CLCN5: variants seen among roughly 807,000 people sequenced by gnomAD.
CLCN5 encodes the protein H(+)/Cl(-) exchange transporter 5.
A neutral mutation model predicts 54.0 loss-of-function variants in CLCN5; 17 were observed. The observed-to-expected ratio is 0.31, with a 90% CI of 0.22 to 0.47. The LOEUF is 0.47. CLCN5 is among the 20% of genes least tolerant of loss of function. CLCN5 has a pLI of 1.00. For synonymous variants in CLCN5, 222 were observed against 233.0 expected (o/e 0.95, Z 0.43); for missense variants, 448 against 646.7 (o/e 0.69, Z 3.33).
chrX:50,014,569 A>T (rs1454821351), intron 3 of CLCN5: 1 of 339,079 alleles, frequency 2.9e-6, no homozygotes, highest in Non-Finnish European at 5.9e-6. Context: ...CTCTGCTTCG[A>T]GCACGGCAGG....
In CLCN5 at chrX:49,939,040, C is replaced by T. The variant is rs1456372684; in HGVS notation, c.16+13726C>T. Among the ~76,000 whole-genome samples, 6 of 109,370 alleles carry T rather than the reference C, an allele frequency of 5.5e-5. No individual in the cohort carries two copies. In the East Asian group the frequency reaches 1.7e-3, roughly 31 times the overall value. The allele number at this position is 109,370 out of a possible 115,157, so 95.0% of individuals were successfully genotyped here. A position where few individuals can be genotyped will look rare whatever the true frequency, so the allele number is the denominator to read the frequency against. ...CAGCCAAGAAACACATGAAAAAATG[C>T]TCATCATCACTGGCCATCAGAGAAA... On this transcript the variant is annotated intron_variant, in intron 3 of 14. Coordinates refer to ENST00000376091, the MANE Select transcript of CLCN5 (RefSeq NM_001127898.4).
At chrX:49,923,196 T>C (rs1244051192) in intron 1 of CLCN5, among the ~76,000 whole-genome samples, 1 of 113,144 alleles carries the variant, frequency 8.8e-6, no homozygotes, top group African/African-American at 3.2e-5. Flanking sequence ...CTCTTCTCCC[T>C]CCGGCTCTGG....
intron 3 of CLCN5, among the ~76,000 whole-genome samples, chrX:49,956,453 T>C (rs886106718): frequency 4.4e-5 from 5 of 112,477 alleles, no homozygotes; most frequent in Non-Finnish European, 7.5e-5. Context: ...CTAATAAATG[T>C]ATAGTACTAA....
In CLCN5 at chrX:50,085,766, C is replaced by A. The variant is rs1313639946; in HGVS notation, c.934-214C>A. ...ATAAAACACATGGCTAAATGAATTACAAAGGAAAGGTCCTCTTACCTGGTC... is the reference window on the plus strand; with the variant it reads ...ATAAAACACATGGCTAAATGAATTAAAAAGGAAAGGTCCTCTTACCTGGTC... On this transcript the variant is annotated intron_variant, in intron 9 of 14. Transcript: ENST00000376091. 25 of 439,029 alleles carry A rather than the reference C, an allele frequency of 5.7e-5. No homozygotes were observed. The East Asian group carries it at 9.3e-4, about 16-fold the overall frequency. The allele number at this position is 439,029 out of a possible 1,213,427, so 36.2% of individuals were successfully genotyped here.
chrX:49,937,037 G>A (rs1295214985), intron 3 of CLCN5, among the ~76,000 whole-genome samples: 1 of 111,520 alleles, frequency 9.0e-6, no homozygotes. Flanking sequence ...AGGCTGCAGT[G>A]ATTGTGCCAC....
chrX:50,063,431 C>G (rs1283558708), intron 4 of CLCN5, among the ~76,000 whole-genome samples: 1 of 108,364 alleles, frequency 9.2e-6, no homozygotes, highest in African/African-American at 3.6e-5. Context: ...CATTCCTCGA[C>G]ACATACACTC....
intron 3 of CLCN5, among the ~76,000 whole-genome samples, chrX:50,018,233 A>G (rs1436689569): frequency 9.0e-6 from 1 of 111,687 alleles, no homozygotes; most frequent in Non-Finnish European, 1.9e-5. Flanking sequence ...AACTAATGTA[A>G]ATAGCATTGT....
At chrX:50,076,470 T>G (rs782037873) in intron 7 of CLCN5, among the ~76,000 whole-genome samples, 1 of 112,198 alleles carries the variant, frequency 8.9e-6, no homozygotes, top group African/African-American at 3.2e-5. Context: ...TTGCCTATCA[T>G]CCCATTTTGT....
At position 50,047,648 on chromosome X, in the gene CLCN5, T is replaced by C. The variant is rs60506227; in HGVS notation, c.163+5186T>C. On this transcript the variant is annotated intron_variant, in intron 4 of 14. Coordinates refer to ENST00000376091, the MANE Select transcript of CLCN5 (RefSeq NM_001127898.4). ...GTCTCATCCAGGATACTATATTACATATTCTTCATGTCTCTAAGGAGCTAA... is the reference window on the plus strand; with the variant it reads ...GTCTCATCCAGGATACTATATTACACATTCTTCATGTCTCTAAGGAGCTAA... Among the ~76,000 whole-genome samples, 525 of 111,817 alleles carry C rather than the reference T, an allele frequency of 4.7e-3. 6 individuals are homozygous for C. The highest frequency in any genetic ancestry group is 0.016 in the African/African-American group (497 of 30,769).
At chrX:49,943,224 TATCC>T in intron 3 of CLCN5, among the ~76,000 whole-genome samples, 1 of 101,798 alleles carries the variant, frequency 9.8e-6, no homozygotes, top group Non-Finnish European at 2.0e-5. Flanking sequence ...TGTCTGTTCA[TATCC>T]TTCGGTCACT....
intron 8 of CLCN5, 34 bp from the exon 9 acceptor site, chrX:50,081,607 G>C: frequency 1.8e-6 from 2 of 1,124,248 alleles, no homozygotes; most frequent in Non-Finnish European, 2.4e-6. Context: ...GACTTCCTTA[G>C]TCTATATTCA....
At chrX:50,018,010 A>G (rs1930875753) in intron 3 of CLCN5, among the ~76,000 whole-genome samples, 3 of 111,682 alleles carry the variant, frequency 2.7e-5, no homozygotes, top group African/African-American at 9.8e-5. Flanking sequence ...TACCCACAAA[A>G]TAACTTGCTG....
intron 3 of CLCN5, among the ~76,000 whole-genome samples, chrX:50,027,264 T>C (rs1931455936): frequency 9.0e-6 from 1 of 111,255 alleles, no homozygotes; most frequent in East Asian, 2.8e-4. Flanking sequence ...TCCGCCCACC[T>C]AGGCCTCCCA....
At chrX:49,929,773 T>G (rs1330310605) in intron 3 of CLCN5, among the ~76,000 whole-genome samples, 1 of 89,123 alleles carries the variant, frequency 1.1e-5, no homozygotes, top group Non-Finnish European at 1.9e-5. Context: ...TAAATATAGG[T>G]TTTTTGTTTT....
intron 3 of CLCN5, among the ~76,000 whole-genome samples, chrX:49,938,468 C>A (rs7391972): frequency 3.3e-4 from 37 of 111,060 alleles, no homozygotes; most frequent in Admixed American, 1.8e-3. Flanking sequence ...AGAACAGAGC[C>A]CTCAGAAATA....
chrX:49,930,433 G>T (rs1328217114), intron 3 of CLCN5, among the ~76,000 whole-genome samples: 1 of 112,181 alleles, frequency 8.9e-6, no homozygotes, highest in Non-Finnish European at 1.9e-5. Context: ...TCTATAATGG[G>T]AAAAATTGAA....
intron 3 of CLCN5, among the ~76,000 whole-genome samples, chrX:50,029,368 G>C (rs1931577715): frequency 2.1e-5 from 2 of 95,102 alleles, no homozygotes; most frequent in Non-Finnish European, 4.0e-5. Flanking sequence ...TGTTCTCTTT[G>C]TTCAATTCCC....
rs896223214 is a variant in CLCN5 at position 49,993,858 on chromosome X, G to A, written c.17-48458G>A. ...CTTGACTTGAGAAGAGATCTGTGGG[G>A]CAGCTGGGAAGCAGGGCAGGGGAGT... is the stretch of plus-strand genomic sequence containing the variant. On this transcript the variant is annotated intron_variant, in intron 3 of 14. Transcript: ENST00000376091. Among the ~76,000 whole-genome samples the A allele has an allele frequency of 4.5e-5, 5 of 111,842 alleles. No individual in the cohort carries two copies. In the Admixed American group the frequency reaches 4.8e-4, roughly 11 times the overall value.
intron 3 of CLCN5, chrX:50,013,255 A>G (rs782416139): frequency 5.9e-6 from 2 of 341,327 alleles, no homozygotes; most frequent in East Asian, 9.0e-5. Flanking sequence ...TCCTTCTCCC[A>G]TACCCATTGC....
Sources: allele counts gnomAD v4.1 joint callset (sites outside exome capture counted in the v4.1 genomes callset), GRCh38; gene constraint gnomAD v4.1.1; transcripts MANE v1.5; gene names NCBI Gene and HGNC (gene_info 2026-07-23, HGNC 2026-07-21).